FHIT: variants seen among roughly 807,000 people sequenced by gnomAD.
The protein encoded by FHIT is bis(5'-adenosyl)-triphosphatase.
A neutral mutation model predicts 17.9 loss-of-function variants in FHIT; 19 were observed. That is an observed-to-expected ratio of 1.06 (90% confidence interval 0.74 to 1.56). The LOEUF is 1.56. Ranked by LOEUF, FHIT falls within the 40% of genes most tolerant of loss-of-function variation. FHIT has a pLI of 0.00. For synonymous variants in FHIT, 81 were observed against 69.7 expected, an observed-to-expected ratio of 1.16 and a Z score of -0.81; for missense variants, 248 against 189.2, an observed-to-expected ratio of 1.31 and a Z score of -1.82.
At chr3:60,846,480 T>A (rs371337190) in intron 3 of FHIT, among the ~76,000 whole-genome samples, 1 of 152,206 alleles carries the variant, frequency 6.6e-6, no homozygotes, top group African/African-American at 2.4e-5. Context: ...ATGTTGCATA[T>A]AGTCAAACTT....
At chr3:60,569,769 TA>T in intron 4 of FHIT, among the ~76,000 whole-genome samples, 1 of 83,982 alleles carries the variant, frequency 1.2e-5, no homozygotes, top group African/African-American at 5.3e-5. Flanking sequence ...TTTTTTTTTT[TA>T]GACAGAGTTT....
At chr3:59,883,153 A>G (rs1703478296) in intron 8 of FHIT, among the ~76,000 whole-genome samples, 1 of 152,168 alleles carries the variant, frequency 6.6e-6, no homozygotes, top group Non-Finnish European at 1.5e-5. Flanking sequence ...AAGCCATTAA[A>G]AATTAAATTG....
intron 8 of FHIT, among the ~76,000 whole-genome samples, chr3:59,754,566 C>T (rs1012317857): frequency 3.9e-5 from 6 of 152,142 alleles, no homozygotes; most frequent in African/African-American, 1.4e-4. Flanking sequence ...ATGGCCTTCC[C>T]ACTTCTGCTA....
Position 60,937,811 on chromosome 3 carries a change from C to T in FHIT, c.-111+104236G>A, listed in dbSNP as rs141174793. On this transcript the variant is annotated intron_variant, in intron 3 of 9. Transcript: ENST00000492590. The stretch of plus-strand genomic sequence containing the variant: ...ACTCCTGACCTTGTGATCCGCCTGC[C>T]TTAGCCTCCCAAAGTGCTGGGATTA... Among the ~76,000 whole-genome samples the T allele has an allele frequency of 8.1e-4, 123 of 152,220 alleles. 1 individual carries two copies. Among genetic ancestry groups the T allele is most frequent in the African/African-American group, 2.8e-3 (115 of 41,534 alleles).
intron 3 of FHIT, among the ~76,000 whole-genome samples, chr3:60,829,047 C>T (rs1009166064): frequency 2.0e-5 from 3 of 152,148 alleles, no homozygotes; most frequent in Non-Finnish European, 2.9e-5. Context: ...ATGGAGTATA[C>T]AGCACTTTAT....
intron 1 of FHIT, among the ~76,000 whole-genome samples, chr3:61,221,656 A>T (rs2106827417): frequency 6.6e-6 from 1 of 152,338 alleles, no homozygotes; most frequent in East Asian, 1.9e-4. Context: ...TGCTGACTGG[A>T]ACATGCAAGT....
chr3:60,915,563 G>C (rs1194960864), intron 3 of FHIT, among the ~76,000 whole-genome samples: 1 of 152,146 alleles, frequency 6.6e-6, no homozygotes, highest in Non-Finnish European at 1.5e-5. Context: ...GGACAGGAAG[G>C]ATAGAAGCAT....
At chr3:60,705,798 C>A (rs62251541) in intron 4 of FHIT, among the ~76,000 whole-genome samples, 14 of 152,098 alleles carry the variant, frequency 9.2e-5, no homozygotes, top group African/African-American at 2.9e-4. Context: ...TCACACCCAC[C>A]ATCTCTCCAG....
At chr3:60,918,769 T>A (rs1707135816) in intron 3 of FHIT, among the ~76,000 whole-genome samples, 1 of 152,206 alleles carries the variant, frequency 6.6e-6, no homozygotes, top group African/African-American at 2.4e-5. Flanking sequence ...TAAAGTTATA[T>A]CTCTTTCCAT....
At chr3:61,058,454 T>A (rs2034304737) in intron 2 of FHIT, among the ~76,000 whole-genome samples, 1 of 152,238 alleles carries the variant, frequency 6.6e-6, no homozygotes, top group African/African-American at 2.4e-5. Context: ...AAATCTCATG[T>A]CAAATTGTAA....
At chr3:59,841,753 T>C (rs1701541765) in intron 8 of FHIT, among the ~76,000 whole-genome samples, 1 of 152,150 alleles carries the variant, frequency 6.6e-6, no homozygotes, top group Admixed American at 6.6e-5. Context: ...TAAAACTATC[T>C]TTTTAATAAA....
chr3:60,593,481 A>C (rs1026250008), intron 4 of FHIT, among the ~76,000 whole-genome samples: 1 of 152,144 alleles, frequency 6.6e-6, no homozygotes, highest in East Asian at 1.9e-4. Context: ...ATTCACAGCC[A>C]GGATTTCACC....
chr3:60,046,728 G>A (rs1211498407), intron 5 of FHIT, among the ~76,000 whole-genome samples: 1 of 152,200 alleles, frequency 6.6e-6, no homozygotes, highest in African/African-American at 2.4e-5. Flanking sequence ...GAAAAATTTT[G>A]TCTGTAAACA....
chr3:59,943,568 TTACAGGGGC>T (rs1186316819), intron 7 of FHIT, among the ~76,000 whole-genome samples: 3 of 152,138 alleles, frequency 2.0e-5, no homozygotes, highest in African/African-American at 7.2e-5. Context: ...CCTTGTCTAA[TTACAGGGGC>T]TACCTTACTC....
At chr3:60,882,341 A>T (rs2107132605) in intron 3 of FHIT, among the ~76,000 whole-genome samples, 1 of 152,268 alleles carries the variant, frequency 6.6e-6, no homozygotes, top group African/African-American at 2.4e-5. Flanking sequence ...CTCTTCTAGA[A>T]AATAAAAGAG....
chr3:61,154,260 C>G (rs2037473034), intron 2 of FHIT, among the ~76,000 whole-genome samples: 4 of 152,142 alleles, frequency 2.6e-5, no homozygotes, highest in Admixed American at 2.6e-4. Flanking sequence ...ACCATTTACA[C>G]TAAATGAACC....
chr3:60,107,585 C>A lies in FHIT; in HGVS notation c.104-93433G>T, dbSNP rs114835155. On this transcript the variant is annotated intron_variant, in intron 5 of 9. Transcript: ENST00000492590. ...TATAGCTCTATAATTGCCTTATTTG[C>A]TCTATCCCATTAGAAAGTCACTAAA... Among the ~76,000 whole-genome samples the A allele has an allele frequency of 7.1e-3, 1,086 of 152,260 alleles. 8 individuals carry two copies. The highest frequency in any genetic ancestry group is 0.024 in the African/African-American group (1,011 of 41,564).
chr3:60,364,251 T>C (rs1004279750), intron 5 of FHIT, among the ~76,000 whole-genome samples: 6 of 152,228 alleles, frequency 3.9e-5, no homozygotes, highest in African/African-American at 1.4e-4. Flanking sequence ...GTGTACTCCA[T>C]GCTGCTTTCA....
At chr3:59,754,754 T>G (rs548695049) in intron 8 of FHIT, among the ~76,000 whole-genome samples, 12 of 152,262 alleles carry the variant, frequency 7.9e-5, no homozygotes, top group Non-Finnish European at 1.8e-4. Flanking sequence ...TTAGAAGAAG[T>G]TTTTGGGAAA....
Sources: allele counts gnomAD v4.1 joint callset (sites outside exome capture counted in the v4.1 genomes callset), GRCh38; gene constraint gnomAD v4.1.1; transcripts MANE v1.5; gene names NCBI Gene and HGNC (gene_info 2026-07-23, HGNC 2026-07-21).